EZR: variants seen among roughly 807,000 people sequenced by gnomAD.
EZR encodes the protein cytovillin 2.
In EZR, 40 loss-of-function variants were observed where a neutral mutation model predicts 74.8. The observed-to-expected ratio is 0.53, with a 90% CI of 0.42 to 0.70. EZR has a LOEUF of 0.70. Among genes scored for constraint, EZR ranks in the 30% least tolerant of loss-of-function variants. The pLI, the probability that EZR is intolerant of heterozygous loss-of-function variation, is 0.00. For synonymous variants in EZR, 341 were observed against 283.3 expected, an observed-to-expected ratio of 1.20 and a Z score of -2.05; for missense variants, 678 against 755.8, an observed-to-expected ratio of 0.90 and a Z score of 1.21.
chr6:158,780,895 A>C (rs1293950787), intron 7 of EZR, among the ~76,000 whole-genome samples: 1 of 152,222 alleles, frequency 6.6e-6, no homozygotes, highest in Non-Finnish European at 1.5e-5. Context: ...GGGTTTAAAG[A>C]AAGATGACAA....
chr6:158,800,183 G>C (rs1036550103), intron 2 of EZR, among the ~76,000 whole-genome samples: 1 of 152,188 alleles, frequency 6.6e-6, no homozygotes, highest in Non-Finnish European at 1.5e-5. Context: ...CATTATTAGA[G>C]AAGTAAAATA....
At chr6:158,806,479 ACTT>A (rs1777342626) in intron 2 of EZR, among the ~76,000 whole-genome samples, 1 of 121,600 alleles carries the variant, frequency 8.2e-6, no homozygotes, top group Non-Finnish European at 1.9e-5. Context: ...TACCACTTTC[ACTT>A]TTTTTTTTTT....
chr6:158,797,182 G>A (rs925750478), intron 2 of EZR, among the ~76,000 whole-genome samples: 8 of 152,096 alleles, frequency 5.3e-5, no homozygotes, highest in African/African-American at 1.9e-4. Context: ...AAAAGCCCAA[G>A]ACAGGAGGGA....
At chr6:158,769,697 C>T (rs950208593) in intron 11 of EZR, 87 bp downstream of exon 11, 3 of 1,534,374 alleles carry the variant, frequency 2.0e-6, no homozygotes, top group African/African-American at 2.7e-5. Context: ...CCAGTCATGA[C>T]AATTATTACA....
chr6:158,806,724 A>C (rs905056426), intron 2 of EZR, among the ~76,000 whole-genome samples: 7 of 152,190 alleles, frequency 4.6e-5, no homozygotes, highest in Non-Finnish European at 1.0e-4. Context: ...TTGTTATCAC[A>C]CTATTTCCAC....
intron 8 of EZR, among the ~76,000 whole-genome samples, chr6:158,771,817 C>A (rs1365323131): frequency 6.6e-6 from 1 of 152,210 alleles, no homozygotes; most frequent in African/African-American, 2.4e-5. Context: ...CAGGTAGCCA[C>A]CTTTCATGAT....
At chr6:158,778,471 T>C (rs1488566644) in intron 7 of EZR, among the ~76,000 whole-genome samples, 2 of 152,252 alleles carry the variant, frequency 1.3e-5, no homozygotes, top group African/African-American at 4.8e-5. Flanking sequence ...GAACTTTTAA[T>C]TCTTGACCAA....
At chr6:158,775,067 C>G (rs929063495) in intron 8 of EZR, among the ~76,000 whole-genome samples, 13 of 130,288 alleles carry the variant, frequency 1.0e-4, no homozygotes, top group Admixed American at 2.5e-4. Flanking sequence ...CGGAGTCTAG[C>G]TCTGTCACCC....
chr6:158,770,879 T>C lies in EZR; in HGVS notation c.975A>G (p.Thr325=), dbSNP rs1383164155. 1 of 1,614,240 alleles carries C rather than the reference T, an allele frequency of 6.2e-7. No homozygotes were observed. Among genetic ancestry groups the C allele is most frequent in the Non-Finnish European group, 8.5e-7 (1 of 1,180,042 alleles). Residue 325 remains threonine (T), a synonymous_variant, in exon 10 of 14, where the codon ACA becomes ACG. Coordinates refer to ENST00000367075, the MANE Select transcript of EZR (RefSeq NM_001111077.2). The part of the protein sequence containing the change: ...QKQLERQQLE[T]EKKRRETVER... ...CCACGGTTTCTCTCCTTTTCTTCTC[T>C]GTTTCCAGCTGTTGCCTGGTGCAGG...
At chr6:158,817,971 CGT>C in intron 2 of EZR, 109 bp downstream of exon 2, 2 of 1,030,156 alleles carry the variant, frequency 1.9e-6, no homozygotes, top group East Asian at 2.6e-5. Flanking sequence ...TCGTCTTCTG[CGT>C]GTGAGAAGAA....
intron 7 of EZR, among the ~76,000 whole-genome samples, chr6:158,778,281 C>A (rs1791337886): frequency 6.6e-6 from 1 of 152,246 alleles, no homozygotes; most frequent in Non-Finnish European, 1.5e-5. Flanking sequence ...CTACACAGGA[C>A]TCTCAAAACA....
intron 2 of EZR, among the ~76,000 whole-genome samples, chr6:158,807,321 A>AC (rs1562506370): frequency 1.3e-4 from 19 of 149,564 alleles, no homozygotes; most frequent in African/African-American, 2.9e-4. Context: ...TCTCAAAAAA[A>AC]AAAAAAAAAA....
chr6:158,799,514 T>C (rs1397547143), intron 2 of EZR, among the ~76,000 whole-genome samples: 1 of 152,260 alleles, frequency 6.6e-6, no homozygotes, highest in Non-Finnish European at 1.5e-5. Context: ...TTTTCTCTAA[T>C]GAAACCTCAG....
intron 2 of EZR, among the ~76,000 whole-genome samples, chr6:158,796,724 G>GA (rs2128572966): frequency 6.6e-6 from 1 of 152,354 alleles, no homozygotes; most frequent in Non-Finnish European, 1.5e-5. Flanking sequence ...TTCTTTAGCT[G>GA]AAAGGCTGTT....
chr6:158,788,747 TA>T (rs66709305), intron 3 of EZR, among the ~76,000 whole-genome samples: 38,976 of 152,056 alleles, frequency 0.26, 6,497 homozygotes, highest in African/African-American at 0.47. Flanking sequence ...ATACTTGATT[TA>T]AAAAAATCTT....
At chr6:158,791,220 A>C (rs1791736692) in intron 2 of EZR, among the ~76,000 whole-genome samples, 1 of 152,218 alleles carries the variant, frequency 6.6e-6, no homozygotes, top group Non-Finnish European at 1.5e-5. Context: ...TTGTTTCAAA[A>C]GTTTTCTCCA....
intron 2 of EZR, among the ~76,000 whole-genome samples, chr6:158,806,600 C>T (rs1448726086): frequency 6.6e-6 from 1 of 151,300 alleles, no homozygotes; most frequent in Non-Finnish European, 1.5e-5. Context: ...TCACATCCAA[C>T]ATAATTTAAA....
At chr6:158,805,850 G>A (rs1777326344) in intron 2 of EZR, among the ~76,000 whole-genome samples, 1 of 152,120 alleles carries the variant, frequency 6.6e-6, no homozygotes, top group African/African-American at 2.4e-5. Flanking sequence ...CCCATGGTTT[G>A]CTGTATTTCC....
At chr6:158,781,769 T>G (rs542510486) in intron 7 of EZR, among the ~76,000 whole-genome samples, 26 of 148,366 alleles carry the variant, frequency 1.8e-4, no homozygotes, top group Non-Finnish European at 3.3e-4. Context: ...CCCACTTCTT[T>G]AAAATTTTTT....
Sources: allele counts gnomAD v4.1 joint callset (sites outside exome capture counted in the v4.1 genomes callset), GRCh38; gene constraint gnomAD v4.1.1; transcripts MANE v1.5; gene names NCBI Gene and HGNC (gene_info 2026-07-23, HGNC 2026-07-21).